DIS3L2: variants seen among roughly 807,000 people sequenced by gnomAD.
DIS3L2 encodes DIS3-like exonuclease 2.
A neutral mutation model predicts 97.5 loss-of-function variants in DIS3L2; 34 were observed. The observed-to-expected ratio is 0.35, with a 90% CI of 0.27 to 0.46. The LOEUF (loss-of-function observed/expected upper bound fraction) is 0.46. Ranked by LOEUF, DIS3L2 falls within the 20% of genes least tolerant of loss-of-function variation. DIS3L2 has a pLI of 1.00. For missense variants in DIS3L2, 1,038 were observed against 1,146.0 expected (o/e 0.91, Z 1.36); for synonymous variants, 435 against 445.2 (o/e 0.98, Z 0.29).
chr2:232,217,480 A>G (rs1378333988), intron 10 of DIS3L2, among the ~76,000 whole-genome samples: 1 of 152,202 alleles, frequency 6.6e-6, no homozygotes, highest in Non-Finnish European at 1.5e-5. Context: ...AGATAGCATC[A>G]GATTCCAAAG....
At chr2:232,201,224 A>C (rs993161043) in intron 9 of DIS3L2, among the ~76,000 whole-genome samples, 2 of 152,228 alleles carry the variant, frequency 1.3e-5, no homozygotes, top group African/African-American at 4.8e-5. Context: ...TGGCAGCCTA[A>C]CATTTTGTGC....
At chr2:232,009,997 A>T (rs1260008861) in intron 1 of DIS3L2, among the ~76,000 whole-genome samples, 1 of 152,150 alleles carries the variant, frequency 6.6e-6, no homozygotes, top group Non-Finnish European at 1.5e-5. Flanking sequence ...TCCTGTCATC[A>T]CAGCTTGTCC....
At chr2:232,338,226 G>A (rs1696026975), downstream of DIS3L2, among the ~76,000 whole-genome samples, 1 of 152,072 alleles carries the variant, frequency 6.6e-6, no homozygotes, top group Non-Finnish European at 1.5e-5. Context: ...TCCTCTCTGG[G>A]CTTCTCGGGC....
intron 13 of DIS3L2, among the ~76,000 whole-genome samples, chr2:232,274,330 A>G (rs1694084290): frequency 1.3e-5 from 2 of 152,148 alleles, no homozygotes; most frequent in African/African-American, 4.8e-5. Flanking sequence ...CTTTCTGTTC[A>G]CGGGACACAC....
intron 6 of DIS3L2, among the ~76,000 whole-genome samples, chr2:232,098,879 A>G (rs1697111556): frequency 6.6e-6 from 1 of 152,132 alleles, no homozygotes; most frequent in South Asian, 2.1e-4. Flanking sequence ...AAACATTTTT[A>G]ATTTTAATGC....
chr2:232,329,789 T>TGGCCCCCCCCCCC, intron 14 of DIS3L2, 24 bp from the exon 15 acceptor site: 1 of 368,622 alleles, frequency 2.7e-6, no homozygotes. Flanking sequence ...CAGCGGTCCC[T>TGGCCCCCCCCCCC]CCCATCCCAC....
At chr2:232,283,403 C>T (rs1176147488) in intron 13 of DIS3L2, among the ~76,000 whole-genome samples, 3 of 152,160 alleles carry the variant, frequency 2.0e-5, no homozygotes, top group South Asian at 2.1e-4. Context: ...ATTATAGGCA[C>T]GTGTCTTCAT....
At chr2:232,279,347 A>G (rs1314011413) in intron 13 of DIS3L2, among the ~76,000 whole-genome samples, 2 of 152,126 alleles carry the variant, frequency 1.3e-5, no homozygotes, top group Non-Finnish European at 2.9e-5. Context: ...TGTGGTTTTA[A>G]TTTGAATTTC....
chr2:232,201,284 T>C (rs1376746239), intron 9 of DIS3L2, among the ~76,000 whole-genome samples: 2 of 152,238 alleles, frequency 1.3e-5, no homozygotes, highest in African/African-American at 4.8e-5. Flanking sequence ...GGCCAGAATG[T>C]TCACCATGAA....
intron 8 of DIS3L2, among the ~76,000 whole-genome samples, chr2:232,148,268 C>T (rs1690280031): frequency 6.6e-6 from 1 of 152,020 alleles, no homozygotes; most frequent in Non-Finnish European, 1.5e-5. Flanking sequence ...AGGATAGTCT[C>T]GATCTCTTGA....
intron 9 of DIS3L2, among the ~76,000 whole-genome samples, chr2:232,185,512 A>C (rs914654576): frequency 6.6e-6 from 1 of 152,200 alleles, no homozygotes; most frequent in African/African-American, 2.4e-5. Flanking sequence ...CTCAGCAGTG[A>C]GCTATGTTTT....
chr2:232,018,861 T>C (rs1023828823), intron 3 of DIS3L2, among the ~76,000 whole-genome samples: 2 of 152,196 alleles, frequency 1.3e-5, no homozygotes, highest in Non-Finnish European at 2.9e-5. Flanking sequence ...CATGGTCATG[T>C]ACATGTAGTT....
rs567662971 is a variant in DIS3L2 at position 232,167,545 on chromosome 2, A to G, written c.1124+3913A>G. On this transcript the variant is annotated intron_variant, in intron 9 of 20. Transcript: ENST00000325385. ...TCATAATTGAAAAGGATATATGTTT[A>G]GAAGATGTGAGCTGTGCTTACAAAA... 3.3e-5 allele frequency among the ~76,000 whole-genome samples: 5 copies of G among 152,346 alleles called. No homozygotes were observed. In the East Asian group the frequency reaches 9.6e-4, roughly 29 times the overall value.
intron 1 of DIS3L2, among the ~76,000 whole-genome samples, chr2:232,004,530 A>G (rs1195957001): frequency 6.6e-6 from 1 of 150,678 alleles, no homozygotes; most frequent in Non-Finnish European, 1.5e-5. Flanking sequence ...TATTGAGCTT[A>G]TCCACTGAAT....
At chr2:232,122,925 G>T (rs755613874) in intron 6 of DIS3L2, among the ~76,000 whole-genome samples, 1 of 152,208 alleles carries the variant, frequency 6.6e-6, no homozygotes. Flanking sequence ...CAAGCTCATA[G>T]GATCTAGGTT....
intron 6 of DIS3L2, among the ~76,000 whole-genome samples, chr2:232,092,562 C>T (rs1696876861): frequency 6.6e-6 from 1 of 151,932 alleles, no homozygotes; most frequent in African/African-American, 2.4e-5. Context: ...TTTTTGTGTC[C>T]TCTTTAATGA....
chr2:232,329,750 G>A, intron 14 of DIS3L2, 63 bp from the exon 15 acceptor site: 4 of 1,409,004 alleles, frequency 2.8e-6, no homozygotes, highest in Non-Finnish European at 3.7e-6. Context: ...CTGCAGCGTG[G>A]GAAAGCCTGC....
At position 232,262,627 on chromosome 2, in the gene DIS3L2, C is replaced by G. The variant is rs145969014; in HGVS notation, c.1426-580C>G. Among the ~76,000 whole-genome samples, 415 of 152,350 alleles carry G rather than the reference C, an allele frequency of 2.7e-3. 2 individuals carry two copies. Among genetic ancestry groups the G allele is most frequent in the Middle Eastern group, 6.8e-3 (2 of 294 alleles). Reference sequence around the variant, plus strand: ...ATATACAGTTCAGCCCCCTGGCCAACAAGGAATTATTCAGCCCAACAGTGC... The same window carrying G: ...ATATACAGTTCAGCCCCCTGGCCAAGAAGGAATTATTCAGCCCAACAGTGC... On this transcript the variant is annotated intron_variant, in intron 12 of 20. Transcript: ENST00000325385.
intron 9 of DIS3L2, among the ~76,000 whole-genome samples, chr2:232,166,183 T>A (rs1690807867): frequency 6.6e-6 from 1 of 152,016 alleles, no homozygotes; most frequent in Non-Finnish European, 1.5e-5. Flanking sequence ...TGTTTGAGCC[T>A]GGGAGTTTGA....
Sources: gnomAD v4.1 joint callset for allele counts (sites outside exome capture counted in the v4.1 genomes callset) on GRCh38, gnomAD v4.1.1 for gene constraint, MANE v1.5 for transcripts, NCBI Gene and HGNC (gene_info 2026-07-23, HGNC 2026-07-21) for gene names.